The following C1orf21 variants were observed in gnomAD, a reference collection of about 807,000 sequenced individuals.
The protein encoded by C1orf21 is uncharacterized protein C1orf21.
Under a neutral mutation model 18.7 loss-of-function variants are expected in C1orf21, and 3 were observed. The ratio of observed to expected loss-of-function variants is 0.16; its 90% CI spans 0.07 to 0.42. The LOEUF (loss-of-function observed/expected upper bound fraction) is 0.42. Among genes scored for constraint, C1orf21 ranks in the 10% least tolerant of loss-of-function variants. The pLI, the probability that C1orf21 is intolerant of heterozygous loss-of-function variation, is 0.99. For missense variants in C1orf21, 104 were observed against 143.6 expected (o/e 0.72, Z 1.41); for synonymous variants, 41 against 46.4 (o/e 0.88, Z 0.47).
intron 5 of C1orf21, among the ~76,000 whole-genome samples, chr1:184,603,644 A>C (rs577581436): frequency 6.6e-6 from 1 of 152,186 alleles, no homozygotes; most frequent in Non-Finnish European, 1.5e-5. Flanking sequence ...AAAATACAAA[A>C]ATTAGCCAGG....
intron 1 of C1orf21, among the ~76,000 whole-genome samples, chr1:184,413,620 G>GCCC (rs1656396041): frequency 1.3e-5 from 2 of 152,306 alleles, no homozygotes; most frequent in South Asian, 4.1e-4. Flanking sequence ...CCAGGAACCC[G>GCCC]AGGCATTGAG....
chr1:184,567,576 T>C (rs369285796), intron 3 of C1orf21: 2 of 479,886 alleles, frequency 4.2e-6, no homozygotes, highest in Admixed American at 4.3e-5. Flanking sequence ...CTGGATCAGC[T>C]ACATCGCAGG....
intron 3 of C1orf21, among the ~76,000 whole-genome samples, chr1:184,584,625 A>G (rs1659328265): frequency 1.3e-5 from 2 of 152,256 alleles, no homozygotes; most frequent in Admixed American, 6.5e-5. Flanking sequence ...CTGAATGTTC[A>G]TAACATCGCT....
chr1:184,430,176 T>C (rs1656717437), intron 1 of C1orf21, among the ~76,000 whole-genome samples: 1 of 151,606 alleles, frequency 6.6e-6, no homozygotes, highest in Non-Finnish European at 1.5e-5. Context: ...GGGAGCCTAT[T>C]TTTTTTTAAG....
intron 3 of C1orf21, among the ~76,000 whole-genome samples, chr1:184,510,093 A>G (rs1204222787): frequency 2.6e-5 from 4 of 152,238 alleles, no homozygotes; most frequent in Admixed American, 6.5e-5. Context: ...GAAAGAATAA[A>G]GAGTGTTAAA....
At chr1:184,512,843 C>T (rs556484904) in intron 3 of C1orf21, among the ~76,000 whole-genome samples, 103 of 152,292 alleles carry the variant, frequency 6.8e-4, no homozygotes, top group Non-Finnish European at 1.2e-3. Flanking sequence ...CCAGGCCACA[C>T]GGCAGGAGGT....
chr1:184,393,802 A>G (rs1571338169), intron 1 of C1orf21, among the ~76,000 whole-genome samples: 1 of 152,236 alleles, frequency 6.6e-6, no homozygotes, highest in East Asian at 1.9e-4. Context: ...ACAAAAGTAG[A>G]ATGGTTTATT....
intron 1 of C1orf21, among the ~76,000 whole-genome samples, chr1:184,455,722 C>T (rs948876448): frequency 6.6e-6 from 1 of 152,148 alleles, no homozygotes; most frequent in Non-Finnish European, 1.5e-5. Context: ...GCTCCTGGCA[C>T]TACCAGGGCC....
At chr1:184,468,011 T>TGTGTGA (rs4011656) in intron 1 of C1orf21, among the ~76,000 whole-genome samples, 4,580 of 137,548 alleles carry the variant, frequency 0.033, 219 homozygotes, top group African/African-American at 0.11. Context: ...TGTGTGTGTG[T>TGTGTGA]GAGAGAGAGA....
At chr1:184,452,771 G>C (rs1207909356) in intron 1 of C1orf21, among the ~76,000 whole-genome samples, 1 of 152,168 alleles carries the variant, frequency 6.6e-6, no homozygotes, top group African/African-American at 2.4e-5. Context: ...AGCAAAATCA[G>C]TATCTTCCTT....
intron 2 of C1orf21, among the ~76,000 whole-genome samples, chr1:184,504,643 T>C (rs1234350139): frequency 6.6e-6 from 1 of 152,238 alleles, no homozygotes; most frequent in Non-Finnish European, 1.5e-5. Flanking sequence ...CCTTTGAGAA[T>C]GTGACAGACC....
intron 3 of C1orf21, among the ~76,000 whole-genome samples, chr1:184,549,827 C>G (rs1283769479): frequency 1.3e-5 from 2 of 151,960 alleles, no homozygotes; most frequent in Admixed American, 6.5e-5. Flanking sequence ...TACATAAATA[C>G]TAGATTTAGA....
intron 3 of C1orf21, among the ~76,000 whole-genome samples, chr1:184,557,584 TC>T (rs753386890): frequency 1.2e-4 from 18 of 152,238 alleles, no homozygotes; most frequent in Non-Finnish European, 2.2e-4. Flanking sequence ...ATTATTTCAT[TC>T]CTTTTTATGG....
At chr1:184,412,956 G>A (rs1377298396) in intron 1 of C1orf21, among the ~76,000 whole-genome samples, 6 of 152,182 alleles carry the variant, frequency 3.9e-5, no homozygotes, top group Admixed American at 2.0e-4. Context: ...TGGGAAAACC[G>A]AGATATCTTC....
intron 2 of C1orf21, among the ~76,000 whole-genome samples, chr1:184,480,666 G>C (rs192939611): frequency 6.6e-6 from 1 of 152,182 alleles, no homozygotes; most frequent in East Asian, 1.9e-4. Flanking sequence ...GCGAGGTCTG[G>C]CATAAAGAAA....
At chr1:184,612,892 CTATTA>C (rs888131874) in intron 5 of C1orf21, among the ~76,000 whole-genome samples, 11 of 152,200 alleles carry the variant, frequency 7.2e-5, no homozygotes, top group African/African-American at 2.6e-4. Context: ...TAGAATTGTT[CTATTA>C]TTAGTTGTTA....
chr1:184,484,089 A>T (rs1657698166), intron 2 of C1orf21, among the ~76,000 whole-genome samples: 1 of 151,740 alleles, frequency 6.6e-6, no homozygotes, highest in Admixed American at 6.6e-5. Context: ...GCGCCCGGCT[A>T]ATTTTTGTAT....
intron 3 of C1orf21, among the ~76,000 whole-genome samples, chr1:184,546,455 A>G (rs929914370): frequency 2.0e-5 from 3 of 152,158 alleles, no homozygotes; most frequent in Non-Finnish European, 4.4e-5. Flanking sequence ...AAAAAAATGC[A>G]TTTAGCATCT....
At chr1:184,593,668 C>T (rs1034962138) in intron 4 of C1orf21, among the ~76,000 whole-genome samples, 14 of 152,150 alleles carry the variant, frequency 9.2e-5, no homozygotes, top group Non-Finnish European at 1.9e-4. Flanking sequence ...ATAGGGTATA[C>T]CCACTGCTTA....
Sources: allele counts gnomAD v4.1 joint callset (sites outside exome capture counted in the v4.1 genomes callset), GRCh38; gene constraint gnomAD v4.1.1; transcripts MANE v1.5; gene names NCBI Gene and HGNC (gene_info 2026-07-23, HGNC 2026-07-21).